Variants in AK5 observed in about 807,000 individuals in gnomAD.
AK5 encodes adenylate kinase 5, also known as adenylate kinase isoenzyme 5.
Under a neutral mutation model 69.5 loss-of-function variants are expected in AK5, and 27 were observed. The observed-to-expected ratio is 0.39, with a 90% CI of 0.29 to 0.54. The LOEUF is 0.54. Among genes scored for constraint, AK5 ranks in the 20% least tolerant of loss-of-function variants. The pLI, the probability that AK5 is intolerant of heterozygous loss-of-function variation, is 0.71. For missense variants in AK5, 531 were observed against 700.4 expected (o/e 0.76, Z 2.73); for synonymous variants, 260 against 244.4 (o/e 1.06, Z -0.60).
chr1:77,404,021 G>A (rs569551702), intron 6 of AK5, among the ~76,000 whole-genome samples: 6 of 152,184 alleles, frequency 3.9e-5, no homozygotes, highest in South Asian at 2.1e-4. Flanking sequence ...CACATCCCTC[G>A]TAAGTTGGAT....
intron 10 of AK5, among the ~76,000 whole-genome samples, chr1:77,510,932 A>T (rs1172489344): frequency 6.6e-6 from 1 of 150,564 alleles, no homozygotes; most frequent in Non-Finnish European, 1.5e-5. Context: ...ATCTATTAAT[A>T]TATTTTATAT....
chr1:77,489,586 G>A (rs1655845011), intron 10 of AK5, among the ~76,000 whole-genome samples: 1 of 152,166 alleles, frequency 6.6e-6, no homozygotes, highest in African/African-American at 2.4e-5. Flanking sequence ...AAACAGAGTG[G>A]TTTTGTCTAT....
intron 5 of AK5, among the ~76,000 whole-genome samples, chr1:77,337,899 T>C (rs1263095375): frequency 6.6e-6 from 1 of 152,154 alleles, no homozygotes; most frequent in Non-Finnish European, 1.5e-5. Flanking sequence ...TTTCCTAGCA[T>C]ACGCCTGTGC....
intron 12 of AK5, among the ~76,000 whole-genome samples, chr1:77,533,039 C>T (rs945830445): frequency 6.6e-6 from 1 of 152,148 alleles, no homozygotes; most frequent in Non-Finnish European, 1.5e-5. Flanking sequence ...GTATTAAAAA[C>T]AAATGGTTCA....
intron 10 of AK5, among the ~76,000 whole-genome samples, chr1:77,514,537 CTT>C (rs1657530068): frequency 1.3e-5 from 2 of 152,174 alleles, no homozygotes; most frequent in African/African-American, 2.4e-5. Flanking sequence ...GATAAAATCA[CTT>C]TGTTTTTCAG....
At chr1:77,422,473 T>A (rs1650879381) in intron 8 of AK5, among the ~76,000 whole-genome samples, 1 of 152,182 alleles carries the variant, frequency 6.6e-6, no homozygotes, top group Admixed American at 6.5e-5. Context: ...TTGCCACTTA[T>A]CAAAACACAC....
chr1:77,444,251 CATAT>C (rs1652539544), intron 8 of AK5, among the ~76,000 whole-genome samples: 2 of 47,250 alleles, frequency 4.2e-5, no homozygotes, highest in South Asian at 1.1e-3. Flanking sequence ...ATATACACAA[CATAT>C]GTGTATATAT....
At chr1:77,320,582 C>G (rs1167994579) in intron 5 of AK5, among the ~76,000 whole-genome samples, 1 of 152,026 alleles carries the variant, frequency 6.6e-6, no homozygotes, top group Non-Finnish European at 1.5e-5. Flanking sequence ...AACCCCATCT[C>G]TACTAAAAAT....
chr1:77,359,307 G>A (rs960443810), intron 6 of AK5, among the ~76,000 whole-genome samples: 1 of 151,560 alleles, frequency 6.6e-6, no homozygotes, highest in African/African-American at 2.4e-5. Flanking sequence ...ATTAATTTAT[G>A]TTATAGAAAA....
At chr1:77,444,237 A>ATATATATAG (rs1652534606) in intron 8 of AK5, among the ~76,000 whole-genome samples, 2 of 69,030 alleles carry the variant, frequency 2.9e-5, no homozygotes, top group African/African-American at 1.1e-4. Flanking sequence ...TATATATAGT[A>ATATATATAG]TATATATACA....
intron 5 of AK5, among the ~76,000 whole-genome samples, chr1:77,298,359 C>G (rs2815313): frequency 6.6e-6 from 1 of 151,934 alleles, no homozygotes. Flanking sequence ...GAACCACCTA[C>G]GTAGATTAAG....
At chr1:77,376,930 GAA>G (rs1647290273) in intron 6 of AK5, among the ~76,000 whole-genome samples, 1 of 152,126 alleles carries the variant, frequency 6.6e-6, no homozygotes, top group Admixed American at 6.6e-5. Flanking sequence ...TCAAAGAAAA[GAA>G]AGGAAATATA....
chr1:77,311,090 G>A (rs1419841667), intron 5 of AK5, among the ~76,000 whole-genome samples: 1 of 152,004 alleles, frequency 6.6e-6, no homozygotes, highest in Non-Finnish European at 1.5e-5. Flanking sequence ...CTTCTTTTCT[G>A]TTCTCTTTAC....
At position 77,559,383 on chromosome 1, in the gene AK5, C is replaced by CTGA. The variant is rs1260462597; in HGVS notation, c.*715_*717dup. 1 of 152,116 alleles carries CTGA rather than the reference C, an allele frequency of 6.6e-6. No homozygotes were observed. The highest frequency in any genetic ancestry group is 6.6e-5 in the Admixed American group (1 of 15,264). 9.4% of individuals were successfully genotyped at this position (152,116 alleles called of 1,614,324 possible). A position where few individuals can be genotyped will look rare whatever the true frequency, so the allele number is the denominator to read the frequency against. On this transcript the variant is annotated 3_prime_UTR_variant, in exon 14 of 14. Coordinates refer to ENST00000354567, the MANE Select transcript of AK5 (RefSeq NM_174858.3). ...TGTCGTCATGGCTAAGAGAACAAAT[C>CTGA]TGATAAATTGTGTAACCTAGTCTCT...
intron 6 of AK5, among the ~76,000 whole-genome samples, chr1:77,392,854 A>G (rs1433196568): frequency 2.6e-5 from 4 of 151,994 alleles, no homozygotes; most frequent in Non-Finnish European, 1.5e-5. Context: ...CAAATTCATC[A>G]CTTTGCCCAC....
chr1:77,344,381 A>G (rs927060439), intron 6 of AK5, among the ~76,000 whole-genome samples: 1 of 152,214 alleles, frequency 6.6e-6, no homozygotes, highest in Non-Finnish European at 1.5e-5. Context: ...TGTTGTCTTT[A>G]ACTTACCCTG....
At chr1:77,483,650 C>T (rs1655409655) in intron 9 of AK5, among the ~76,000 whole-genome samples, 1 of 152,188 alleles carries the variant, frequency 6.6e-6, no homozygotes, top group South Asian at 2.1e-4. Flanking sequence ...ACATGCTTAA[C>T]ACCAACTCCC....
At chr1:77,442,525 C>T (rs971259415) in intron 8 of AK5, among the ~76,000 whole-genome samples, 1 of 152,132 alleles carries the variant, frequency 6.6e-6, no homozygotes, top group African/African-American at 2.4e-5. Flanking sequence ...CTCCAGGTTC[C>T]CAGCTTATCC....
intron 8 of AK5, among the ~76,000 whole-genome samples, chr1:77,473,819 C>T (rs181891967): frequency 1.8e-4 from 28 of 152,290 alleles, no homozygotes; most frequent in African/African-American, 4.6e-4. Flanking sequence ...AGATCATCTA[C>T]GTAAAGAGCT....
Sources: gnomAD v4.1 joint callset for allele counts (sites outside exome capture counted in the v4.1 genomes callset) on GRCh38, gnomAD v4.1.1 for gene constraint, MANE v1.5 for transcripts, NCBI Gene and HGNC (gene_info 2026-07-23, HGNC 2026-07-21) for gene names.